UBE3A: variants seen among roughly 807,000 people sequenced by gnomAD.
UBE3A encodes the protein ubiquitin protein ligase E3A.
Under a neutral mutation model 83.4 loss-of-function variants are expected in UBE3A, and 6 were observed. The observed-to-expected ratio is 0.07, with a 90% CI of 0.04 to 0.14. The LOEUF (loss-of-function observed/expected upper bound fraction) is 0.14. Among genes scored for constraint, UBE3A ranks in the 10% least tolerant of loss-of-function variants. The pLI is 1.00. For synonymous variants in UBE3A, 337 were observed against 355.4 expected, an observed-to-expected ratio of 0.95 and a Z score of 0.58; for missense variants, 456 against 1,036.1, an observed-to-expected ratio of 0.44 and a Z score of 7.69.
rs556770305 is a variant in UBE3A, at chr15:25,436,885, G to A, written c.-165+1604C>T. Among the ~76,000 whole-genome samples, 9 of 152,310 alleles carry A rather than the reference G, an allele frequency of 5.9e-5. No homozygotes were observed. In the South Asian group the frequency reaches 1.9e-3, roughly 32 times the overall value. ...TAAGCTCCTCAGGGACAGGGGCAAT[G>A]TCCAGAGGATAGTGAGCATACTACT... On this transcript the variant is annotated intron_variant, in intron 1 of 12. Transcript: ENST00000648336.
chr15:25,341,580 G>A (rs558311012), intron 11 of UBE3A, among the ~76,000 whole-genome samples: 8 of 150,922 alleles, frequency 5.3e-5, no homozygotes, highest in East Asian at 2.0e-4. Context: ...CCTGACCAAC[G>A]TGGTGAAACC....
chr15:25,432,882 CAT>C (rs1174530474), intron 1 of UBE3A, among the ~76,000 whole-genome samples: 4 of 152,186 alleles, frequency 2.6e-5, no homozygotes, highest in African/African-American at 9.6e-5. Context: ...CTATAATTCA[CAT>C]GTGATTCCTT....
rs1467458512 is a variant in UBE3A, at chr15:25,337,095, ACT to A, written c.*2040_*2041del. On this transcript the variant is annotated 3_prime_UTR_variant, in exon 13 of 13. Transcript: ENST00000648336. ...AAATTTTAAGGGTAGGTTCATTCTG[ACT>A]CTGTTAAAAGTCTACTTGATGTGAA... The A allele has an allele frequency of 1.3e-5, 2 of 151,982 alleles. No individual in the cohort carries two copies. Among genetic ancestry groups the A allele is most frequent in the Non-Finnish European group, 2.9e-5 (2 of 67,992 alleles). 9.4% of individuals were successfully genotyped at this position (151,982 alleles called of 1,614,324 possible).
At chr15:25,350,083 T>C (rs1007621855) in intron 11 of UBE3A, among the ~76,000 whole-genome samples, 7 of 152,144 alleles carry the variant, frequency 4.6e-5, no homozygotes, top group South Asian at 2.1e-4. Context: ...CTGGGCAACA[T>C]AGTGAGACCC....
intron 4 of UBE3A, among the ~76,000 whole-genome samples, chr15:25,386,225 C>A (rs1194742340): frequency 6.6e-6 from 1 of 152,096 alleles, no homozygotes; most frequent in Non-Finnish European, 1.5e-5. Context: ...CATAAGACTA[C>A]AGAACTCTTC....
At chr15:25,372,594 C>G (rs570499196) in intron 5 of UBE3A, among the ~76,000 whole-genome samples, 1 of 152,148 alleles carries the variant, frequency 6.6e-6, no homozygotes, top group East Asian at 1.9e-4. Flanking sequence ...ACCACATTTC[C>G]CAACTTTTTG....
intron 1 of UBE3A, among the ~76,000 whole-genome samples, chr15:25,426,413 A>G (rs1200822717): frequency 1.3e-5 from 2 of 152,210 alleles, no homozygotes; most frequent in Non-Finnish European, 2.9e-5. Flanking sequence ...CATAGCGCCT[A>G]GCCTAAAATT....
chr15:25,369,638 AAGT>A (rs1324905206), intron 6 of UBE3A, among the ~76,000 whole-genome samples: 2 of 152,146 alleles, frequency 1.3e-5, no homozygotes, highest in Non-Finnish European at 2.9e-5. Flanking sequence ...GATGATAAAA[AAGT>A]AGCAGCAATG....
chr15:25,393,573 C>G (rs1394135171), intron 4 of UBE3A, among the ~76,000 whole-genome samples: 1 of 152,078 alleles, frequency 6.6e-6, no homozygotes, highest in Non-Finnish European at 1.5e-5. Context: ...CCAAAAATCT[C>G]TTGGAATAAT....
At chr15:25,365,610 T>C (rs1020233278) in intron 6 of UBE3A, among the ~76,000 whole-genome samples, 1 of 151,726 alleles carries the variant, frequency 6.6e-6, no homozygotes, top group Non-Finnish European at 1.5e-5. Context: ...TAGCTGGGCA[T>C]GGTGGCAGGC....
chr15:25,339,790 G>T lies in UBE3A; in HGVS notation c.2498+295C>A, dbSNP rs532144460. 48 of 422,912 alleles carry T rather than the reference G, an allele frequency of 1.1e-4. No homozygotes were observed. The Admixed American group carries it at 1.6e-3, about 14-fold the overall frequency. 26.2% of individuals were successfully genotyped at this position (422,912 alleles called of 1,614,324 possible). ...AGCCTCAATGTAACCATTCTAAATA[G>T]ATGATCATGTTATATGGCTTTCAAT... On this transcript the variant is annotated intron_variant, in intron 12 of 12. Transcript: ENST00000648336.
intron 4 of UBE3A, among the ~76,000 whole-genome samples, chr15:25,398,785 A>G (rs1230745541): frequency 2.8e-5 from 1 of 35,368 alleles, no homozygotes; most frequent in East Asian, 4.3e-3. Context: ...ATATATATAT[A>G]TATATATATA....
intron 1 of UBE3A, among the ~76,000 whole-genome samples, chr15:25,437,901 G>A (rs561767497): frequency 1.3e-5 from 2 of 152,136 alleles, no homozygotes; most frequent in South Asian, 2.1e-4. Context: ...ATATAACACA[G>A]CAGTCTCTGG....
chr15:25,363,552 T>C (rs1008078993), intron 6 of UBE3A, among the ~76,000 whole-genome samples: 1 of 152,100 alleles, frequency 6.6e-6, no homozygotes, highest in Non-Finnish European at 1.5e-5. Context: ...TACTGAAAGG[T>C]GAAATAACTT....
intron 4 of UBE3A, among the ~76,000 whole-genome samples, chr15:25,398,804 T>C (rs919745026): frequency 1.3e-5 from 1 of 77,170 alleles, no homozygotes; most frequent in African/African-American, 3.8e-5. Context: ...TATATATATA[T>C]ATATATATAT....
chr15:25,430,138 TTATA>T (rs1303364938), intron 1 of UBE3A, among the ~76,000 whole-genome samples: 1 of 62,110 alleles, frequency 1.6e-5, no homozygotes, highest in African/African-American at 9.4e-5. Flanking sequence ...TATATATATA[TTATA>T]TATATAATAC....
chr15:25,351,637 T>A (rs898668766), intron 11 of UBE3A, among the ~76,000 whole-genome samples: 4 of 152,126 alleles, frequency 2.6e-5, no homozygotes, highest in African/African-American at 9.6e-5. Flanking sequence ...ACCCAGCTAA[T>A]TTTTGTATTT....
At chr15:25,436,212 C>G (rs556858011) in intron 1 of UBE3A, among the ~76,000 whole-genome samples, 2 of 152,152 alleles carry the variant, frequency 1.3e-5, no homozygotes, top group Non-Finnish European at 2.9e-5. Context: ...AAAAGAGCAC[C>G]TAAGACTTCA....
At chr15:25,400,409 C>T (rs1291226095) in intron 4 of UBE3A, among the ~76,000 whole-genome samples, 10 of 152,134 alleles carry the variant, frequency 6.6e-5, no homozygotes, top group Admixed American at 6.5e-4. Flanking sequence ...AACGTAAATG[C>T]TATGTAAATA....
Sources: gnomAD v4.1 joint callset for allele counts (sites outside exome capture counted in the v4.1 genomes callset) on GRCh38, gnomAD v4.1.1 for gene constraint, MANE v1.5 for transcripts, NCBI Gene and HGNC (gene_info 2026-07-23, HGNC 2026-07-21) for gene names.